The following ELP4 variants were observed in gnomAD, a reference collection of about 807,000 sequenced individuals.
ELP4 encodes elongator acetyltransferase complex subunit 4.
ELP4 carries 51 observed loss-of-function variants against 48.9 expected under a neutral mutation model. The ratio of observed to expected loss-of-function variants is 1.04; its 90% CI spans 0.83 to 1.32. The LOEUF (loss-of-function observed/expected upper bound fraction) is 1.32, where lower values mean the gene tolerates loss of function less well. Ranked by LOEUF, ELP4 falls within the 40% of genes most tolerant of loss-of-function variation. The pLI, the probability that ELP4 is intolerant of heterozygous loss-of-function variation, is 0.00. For synonymous variants in ELP4, 210 were observed against 189.2 expected (o/e 1.11, Z -0.90); for missense variants, 519 against 514.6 (o/e 1.01, Z -0.08).
intron 9 of ELP4, among the ~76,000 whole-genome samples, chr11:31,687,276 A>T (rs185637363): frequency 7.6e-4 from 116 of 152,322 alleles, no homozygotes; most frequent in African/African-American, 2.4e-3. Flanking sequence ...AATCATTGTT[A>T]TATAGCTGGT....
In ELP4 at chr11:31,738,193, G is replaced by A. The variant is rs192387291; in HGVS notation, c.1144-45200G>A. Among the ~76,000 whole-genome samples, 260 of 135,626 alleles carry A rather than the reference G, an allele frequency of 1.9e-3. 2 individuals are homozygous for A. Among genetic ancestry groups the A allele is most frequent in the Non-Finnish European group, 3.2e-3 (211 of 65,900 alleles). The allele number at this position is 135,626 out of a possible 152,430, so 89.0% of individuals were successfully genotyped here. A position where few individuals can be genotyped will look rare whatever the true frequency, so the allele number is the denominator to read the frequency against. ...GGAAGATTGCTTGAGCCAGGAGTTCGAGATCATTCTGGGCAACATGGCAAA... is the reference window on the plus strand; with the variant it reads ...GGAAGATTGCTTGAGCCAGGAGTTCAAGATCATTCTGGGCAACATGGCAAA... On this transcript the variant is annotated intron_variant, in intron 9 of 9. Transcript: ENST00000640961.
At chr11:31,601,685 C>T (rs1957786289) in intron 4 of ELP4, among the ~76,000 whole-genome samples, 1 of 152,024 alleles carries the variant, frequency 6.6e-6, no homozygotes, top group Non-Finnish European at 1.5e-5. Flanking sequence ...ACTTTCAGTC[C>T]ACTAATAAAT....
chr11:31,561,976 T>G (rs1254014260), intron 3 of ELP4, among the ~76,000 whole-genome samples: 53 of 152,170 alleles, frequency 3.5e-4, no homozygotes, highest in Admixed American at 3.5e-3. Context: ...CCCTTTAAAC[T>G]CCTTTTAAGT....
At chr11:31,604,887 A>G (rs1269643076) in intron 5 of ELP4, among the ~76,000 whole-genome samples, 1 of 151,962 alleles carries the variant, frequency 6.6e-6, no homozygotes, top group African/African-American at 2.4e-5. Flanking sequence ...CCATTAATGT[A>G]TTACTGCTAT....
chr11:31,659,684 A>G (rs979044361), intron 9 of ELP4, among the ~76,000 whole-genome samples: 2 of 152,120 alleles, frequency 1.3e-5, no homozygotes, highest in African/African-American at 4.8e-5. Flanking sequence ...ATATTTTACT[A>G]CGATTAAAGT....
intron 9 of ELP4, among the ~76,000 whole-genome samples, chr11:31,661,065 A>G (rs1014222028): frequency 3.9e-5 from 6 of 152,074 alleles, no homozygotes; most frequent in Non-Finnish European, 7.4e-5. Context: ...TTAAAAATAT[A>G]ATGAAATATA....
intron 7 of ELP4, among the ~76,000 whole-genome samples, chr11:31,641,133 A>G (rs1565092193): frequency 1.3e-5 from 2 of 151,908 alleles, no homozygotes; most frequent in South Asian, 4.1e-4. Context: ...TTAGTTCTTA[A>G]TTTCTTACAT....
chr11:31,697,692 T>C (rs993241319), intron 9 of ELP4, among the ~76,000 whole-genome samples: 6 of 152,180 alleles, frequency 3.9e-5, no homozygotes, highest in African/African-American at 1.4e-4. Context: ...GGTGGAATTA[T>C]TGTCCACTAT....
chr11:31,527,219 C>T (rs1365459255), intron 2 of ELP4, among the ~76,000 whole-genome samples: 3 of 151,918 alleles, frequency 2.0e-5, no homozygotes, highest in Non-Finnish European at 2.9e-5. Context: ...ATTCCTTTGG[C>T]TTTATTTCAA....
rs1364433455 is a variant in ELP4, at chr11:31,625,787, CTA to C, written c.654-1321_654-1320del. Among the ~76,000 whole-genome samples the C allele has an allele frequency of 2.0e-5, 3 of 151,818 alleles. No homozygotes were observed. The East Asian group carries it at 5.8e-4, about 29-fold the overall frequency. On this transcript the variant is annotated intron_variant, in intron 5 of 9. Transcript: ENST00000640961. ...CCAGATTAGAATTGAATCTACTGCA[CTA>C]TGTTCTGAAAAGTTGATCTAGCAGG...
intron 7 of ELP4, chr11:31,647,052 A>C (rs1050245034): frequency 6.6e-6 from 1 of 151,796 alleles, no homozygotes; most frequent in South Asian, 2.1e-4. Context: ...GCAGTATTTC[A>C]GTTCATCTCA....
Position 31,650,197 on chromosome 11 carries a change from A to G in ELP4, c.1119A>G (p.Leu373=). The G allele has an allele frequency of 1.4e-6, 2 of 1,436,726 alleles. No homozygotes were observed. The highest frequency in any genetic ancestry group is 9.7e-7 in the Non-Finnish European group (1 of 1,030,810). The allele number at this position is 1,436,726 out of a possible 1,614,324, so 89.0% of individuals were successfully genotyped here. Residue 373 remains leucine, a synonymous_variant, in exon 9 of 10, where the codon TTA becomes TTG. Coordinates refer to ENST00000640961, the MANE Select transcript of ELP4 (RefSeq NM_019040.5). ...ATGTCAAAGACTTAGCTTTTAAATT[A>G]AAAAGGAAGCTATTCACCATTGAGG... The part of the protein sequence containing the change: ...ESDVKDLAFK[L]KRKLFTIERL...
chr11:31,537,217 T>C (rs758120560), intron 2 of ELP4, among the ~76,000 whole-genome samples: 4 of 152,186 alleles, frequency 2.6e-5, no homozygotes, highest in Non-Finnish European at 5.9e-5. Flanking sequence ...AAGATTGAAG[T>C]TTTTATCGCT....
intron 5 of ELP4, among the ~76,000 whole-genome samples, chr11:31,626,114 G>C (rs1032132628): frequency 4.0e-5 from 6 of 151,730 alleles, no homozygotes; most frequent in African/African-American, 1.5e-4. Context: ...TATGTTTCCT[G>C]AACCACCTAC....
chr11:31,715,202 G>C (rs76524664), intron 9 of ELP4: 3,152 of 158,892 alleles, frequency 0.02, 104 homozygotes, highest in African/African-American at 0.071. Flanking sequence ...AATTAAAATT[G>C]TACAACCAAA....
intron 2 of ELP4, among the ~76,000 whole-genome samples, 153 bp from the exon 3 acceptor site, chr11:31,539,509 A>C (rs1464019226): frequency 1.3e-5 from 2 of 152,214 alleles, no homozygotes; most frequent in East Asian, 3.9e-4. Flanking sequence ...TAGCCTATCT[A>C]TCTATGCCTC....
At chr11:31,598,750 A>G (rs566742352) in intron 4 of ELP4, among the ~76,000 whole-genome samples, 8 of 152,012 alleles carry the variant, frequency 5.3e-5, no homozygotes, top group Admixed American at 5.3e-4. Flanking sequence ...CAAGCAAGCA[A>G]TCCTCTCACC....
At chr11:31,742,140 G>C (rs902804177) in intron 9 of ELP4, among the ~76,000 whole-genome samples, 1 of 152,172 alleles carries the variant, frequency 6.6e-6, no homozygotes, top group Non-Finnish European at 1.5e-5. Context: ...GGAAGAAAGG[G>C]TATCAGTGAT....
At chr11:31,639,821 G>T (rs1051122132) in intron 7 of ELP4, among the ~76,000 whole-genome samples, 4 of 151,788 alleles carry the variant, frequency 2.6e-5, no homozygotes, top group African/African-American at 9.7e-5. Context: ...AAAAAATTTG[G>T]TTTAAAATAT....
Sources: allele counts gnomAD v4.1 joint callset (sites outside exome capture counted in the v4.1 genomes callset), GRCh38; gene constraint gnomAD v4.1.1; transcripts MANE v1.5; gene names NCBI Gene and HGNC (gene_info 2026-07-23, HGNC 2026-07-21).